Variants in HDAC9 observed in about 807,000 individuals in gnomAD.
The protein encoded by HDAC9 is histone deacetylase 9.
HDAC9 carries 41 observed loss-of-function variants against 139.4 expected under a neutral mutation model. The observed-to-expected ratio is 0.29, with a 90% confidence interval of 0.23 to 0.38. The LOEUF (loss-of-function observed/expected upper bound fraction) is 0.38. HDAC9 is among the 10% of genes least tolerant of loss of function. The pLI is 1.00. For synonymous variants in HDAC9, 517 were observed against 476.2 expected (o/e 1.09, Z -1.12); for missense variants, 1,147 against 1,297.0 (o/e 0.88, Z 1.78).
At chr7:18,995,434 C>T (rs376891946) in intron 25 of HDAC9, among the ~76,000 whole-genome samples, 10 of 152,196 alleles carry the variant, frequency 6.6e-5, no homozygotes, top group Non-Finnish European at 8.8e-5. Flanking sequence ...GTTTTGCCTG[C>T]GCAGAATACC....
At chr7:18,339,770 T>A (rs567286453) in intron 1 of HDAC9, among the ~76,000 whole-genome samples, 2 of 151,630 alleles carry the variant, frequency 1.3e-5, no homozygotes, top group African/African-American at 4.8e-5. Context: ...TGACATTAAT[T>A]CTTTTAAATT....
chr7:18,662,704 G>T (rs1288966338), intron 11 of HDAC9, among the ~76,000 whole-genome samples: 1 of 152,022 alleles, frequency 6.6e-6, no homozygotes, highest in Non-Finnish European at 1.5e-5. Context: ...AGAAGCAAAG[G>T]TATCAGCAGG....
intron 1 of HDAC9, among the ~76,000 whole-genome samples, chr7:18,428,535 A>G (rs1451137872): frequency 2.6e-5 from 4 of 152,222 alleles, no homozygotes; most frequent in African/African-American, 9.6e-5. Context: ...GTCACTAATC[A>G]TCAGGGGAAT....
chr7:18,711,269 T>C (rs1044222934), intron 12 of HDAC9, among the ~76,000 whole-genome samples: 83 of 152,292 alleles, frequency 5.5e-4, no homozygotes, highest in African/African-American at 1.9e-3. Context: ...ACAAATCATA[T>C]TGATTCCACC....
At chr7:18,534,450 G>A (rs964341621) in intron 2 of HDAC9, among the ~76,000 whole-genome samples, 3 of 152,188 alleles carry the variant, frequency 2.0e-5, no homozygotes, top group Non-Finnish European at 4.4e-5. Context: ...TGGAGGCTGA[G>A]GCAGGAGGAT....
intron 1 of HDAC9, among the ~76,000 whole-genome samples, chr7:18,315,517 T>C (rs1418382623): frequency 6.6e-6 from 1 of 152,208 alleles, no homozygotes; most frequent in Non-Finnish European, 1.5e-5. Flanking sequence ...ACCTCTCTGC[T>C]GTAAGCCTAA....
At chr7:18,943,388 T>C (rs1782153972) in intron 23 of HDAC9, among the ~76,000 whole-genome samples, 1 of 152,112 alleles carries the variant, frequency 6.6e-6, no homozygotes, top group Admixed American at 6.5e-5. Context: ...TTGTATTTAT[T>C]ATCCTCTTTC....
intron 1 of HDAC9, among the ~76,000 whole-genome samples, chr7:18,156,821 G>A (rs550698120): frequency 1.3e-5 from 2 of 152,292 alleles, no homozygotes; most frequent in African/African-American, 2.4e-5. Context: ...ATTTCAGTAT[G>A]GCTTTAAAGA....
chr7:18,828,122 G>T (rs1795589945), intron 17 of HDAC9, among the ~76,000 whole-genome samples: 2 of 152,056 alleles, frequency 1.3e-5, no homozygotes, highest in Non-Finnish European at 2.9e-5. Flanking sequence ...ATTCTGGAAA[G>T]ATATGTGTAT....
At chr7:18,153,195 G>A (rs1786910408) in intron 1 of HDAC9, among the ~76,000 whole-genome samples, 1 of 152,314 alleles carries the variant, frequency 6.6e-6, no homozygotes, top group East Asian at 1.9e-4. Context: ...GAGGGTCACA[G>A]ATGTGTTAGC....
intron 8 of HDAC9, among the ~76,000 whole-genome samples, chr7:18,636,177 C>T (rs974738830): frequency 6.6e-6 from 1 of 152,010 alleles, no homozygotes; most frequent in Admixed American, 6.6e-5. Flanking sequence ...TAGTACCAAC[C>T]AGGGAGGATA....
At chr7:18,508,766 A>G (rs946566320) in intron 2 of HDAC9, among the ~76,000 whole-genome samples, 9 of 152,236 alleles carry the variant, frequency 5.9e-5, no homozygotes, top group Admixed American at 5.2e-4. Context: ...ACATTTTCTC[A>G]TAAACACAAT....
intron 12 of HDAC9, among the ~76,000 whole-genome samples, chr7:18,710,144 T>C (rs747736908): frequency 3.9e-5 from 6 of 152,050 alleles, no homozygotes; most frequent in Non-Finnish European, 8.8e-5. Context: ...AACCATCAGA[T>C]CTCATGAGAC....
chr7:18,302,059 G>T (rs142238538), intron 1 of HDAC9, among the ~76,000 whole-genome samples: 274 of 152,284 alleles, frequency 1.8e-3, no homozygotes, highest in African/African-American at 6.4e-3. Context: ...CAGGTGTTAA[G>T]AACAGCAGCC....
At chr7:18,126,556 C>T (rs1249176773) in intron 1 of HDAC9, among the ~76,000 whole-genome samples, 1 of 152,150 alleles carries the variant, frequency 6.6e-6, no homozygotes, top group Non-Finnish European at 1.5e-5. Flanking sequence ...ATTATTATAT[C>T]TTTAGTCACC....
chr7:18,252,161 C>CA (rs923888709), intron 2 of HDAC9, among the ~76,000 whole-genome samples: 7 of 151,674 alleles, frequency 4.6e-5, no homozygotes, highest in South Asian at 2.1e-4. Flanking sequence ...GAAGTTGGGA[C>CA]AAAAAAAATA....
At chr7:18,302,744 T>C (rs900731648) in intron 1 of HDAC9, among the ~76,000 whole-genome samples, 1 of 152,178 alleles carries the variant, frequency 6.6e-6, no homozygotes, top group Non-Finnish European at 1.5e-5. Context: ...ACAAACCTTC[T>C]AGAAGGCATA....
At chr7:18,409,988 T>A (rs985302170) in intron 1 of HDAC9, among the ~76,000 whole-genome samples, 1 of 152,126 alleles carries the variant, frequency 6.6e-6, no homozygotes, top group African/African-American at 2.4e-5. Context: ...CGTTTTATTT[T>A]AAATTTTTAG....
At chr7:18,780,368 C>G (rs557600578) in intron 16 of HDAC9, among the ~76,000 whole-genome samples, 9 of 152,124 alleles carry the variant, frequency 5.9e-5, no homozygotes, top group Admixed American at 3.3e-4. Flanking sequence ...TAGCTTGTCA[C>G]TGGGGATCTT....
Sources: gnomAD v4.1 joint callset for allele counts (sites outside exome capture counted in the v4.1 genomes callset) on GRCh38, gnomAD v4.1.1 for gene constraint, MANE v1.5 for transcripts, NCBI Gene and HGNC (gene_info 2026-07-23, HGNC 2026-07-21) for gene names.